KRTAP10-5: variants seen among roughly 807,000 people sequenced by gnomAD.
KRTAP10-5 encodes keratin associated protein 10-5, also known as keratin-associated protein 10-5.
For synonymous variants in KRTAP10-5, 157 were observed against 151.9 expected (o/e 1.03, Z -0.25); for missense variants, 370 against 351.2 (o/e 1.05, Z -0.43).
Position 44,579,477 on chromosome 21 carries a change from T to G in KRTAP10-5, c.*286A>C. The G allele has an allele frequency of 1.8e-6, 1 of 550,468 alleles. No individual in the cohort carries two copies. Among genetic ancestry groups the G allele is most frequent in the South Asian group, 2.4e-5 (1 of 40,858 alleles). The allele number at this position is 550,468 out of a possible 1,614,324, so 34.1% of individuals were successfully genotyped here. ...GAATCAGGCGACCAAGGGGAGTTTA[T>G]TGGGGAGCAGGAGGAGGTGCTGACA... On this transcript the variant is annotated 3_prime_UTR_variant, in exon 1 of 1. Coordinates refer to ENST00000400372, the MANE Select transcript of KRTAP10-5 (RefSeq NM_198694.3).
In KRTAP10-5 at chr21:44,579,620, T is replaced by C. The variant is rs7509935; in HGVS notation, c.*143A>G. Reference sequence around the variant, plus strand: ...AGCTGGGGAGCTTCGAGGATGGAGATTCCTGGGAGTATGGAGGGGGGGGTC... The same window carrying C: ...AGCTGGGGAGCTTCGAGGATGGAGACTCCTGGGAGTATGGAGGGGGGGGTC... On this transcript the variant is annotated 3_prime_UTR_variant, in exon 1 of 1. Transcript: ENST00000400372. 7.7e-3 allele frequency: 8,203 copies of C among 1,064,084 alleles called. 293 individuals are homozygous for C. In the African/African-American group the frequency reaches 0.092, roughly 12 times the overall value. 65.9% of individuals were successfully genotyped at this position (1,064,084 alleles called of 1,614,324 possible). A position where few individuals can be genotyped will look rare whatever the true frequency, so the allele number is the denominator to read the frequency against.
At position 44,579,469 on chromosome 21, in the gene KRTAP10-5, G is replaced by A. The variant is rs1424819844; in HGVS notation, c.*294C>T. 9.2e-6 allele frequency: 5 copies of A among 545,954 alleles called. No individual in the cohort carries two copies. Among genetic ancestry groups the A allele is most frequent in the Non-Finnish European group, 1.6e-5 (5 of 307,108 alleles). 33.8% of individuals were successfully genotyped at this position (545,954 alleles called of 1,614,324 possible). ...GAAAAAGAGAATCAGGCGACCAAGGGGAGTTTATTGGGGAGCAGGAGGAGG... is the reference window on the plus strand; with the variant it reads ...GAAAAAGAGAATCAGGCGACCAAGGAGAGTTTATTGGGGAGCAGGAGGAGG... On this transcript the variant is annotated 3_prime_UTR_variant, in exon 1 of 1. Transcript: ENST00000400372.
At position 44,579,527 on chromosome 21, in the gene KRTAP10-5, T is replaced by C. The variant is rs1978723312; in HGVS notation, c.*236A>G. On this transcript the variant is annotated 3_prime_UTR_variant, in exon 1 of 1. Coordinates refer to ENST00000400372, the MANE Select transcript of KRTAP10-5 (RefSeq NM_198694.3). ...AGGTTCAAGTCGAGGCCAAGTGACATGGGGCAGAGAAGCTGGGAGGGAGGA... is the reference window on the plus strand; with the variant it reads ...AGGTTCAAGTCGAGGCCAAGTGACACGGGGCAGAGAAGCTGGGAGGGAGGA... The C allele has an allele frequency of 3.4e-6, 2 of 594,422 alleles. No individual in the cohort carries two copies. The highest frequency in any genetic ancestry group is 3.0e-6 in the Non-Finnish European group (1 of 338,876). 36.8% of individuals were successfully genotyped at this position (594,422 alleles called of 1,614,324 possible).
Position 44,579,837 on chromosome 21 carries a change from GGTA to G in KRTAP10-5, c.739_741del (p.Tyr247del). ...GAGGCCGGGCGGCAGCAGCTGGCCT[GGTA>G]GGAGGAGGCAGGGGCACAGCAGGAG... is the stretch of plus-strand genomic sequence containing the variant. On this transcript the variant is annotated inframe_deletion, in exon 1 of 1. Transcript: ENST00000400372. 6.2e-7 allele frequency: 1 copy of G among 1,610,074 alleles called. No homozygotes were observed. Among genetic ancestry groups the G allele is most frequent in the East Asian group, 2.3e-5 (1 of 44,366 alleles).
chr21:44,579,712 C>T lies in KRTAP10-5; in HGVS notation c.*51G>A. ...CCTAACCCGAGTCAGGACCAGTTGG[C>T]CCTGGGGGATGTGCACATCAGCAAC... On this transcript the variant is annotated 3_prime_UTR_variant, in exon 1 of 1. Coordinates refer to ENST00000400372, the MANE Select transcript of KRTAP10-5 (RefSeq NM_198694.3). 18 of 1,577,958 alleles carry T rather than the reference C, an allele frequency of 1.1e-5. No individual in the cohort carries two copies. The highest frequency in any genetic ancestry group is 1.5e-5 in the Non-Finnish European group (18 of 1,163,338).
Position 44,580,256 on chromosome 21 carries a change from G to A in KRTAP10-5, c.323C>T (p.Ser108Phe), listed in dbSNP as rs1420457430. 1.6e-5 allele frequency: 26 copies of A among 1,613,224 alleles called. No individual in the cohort carries two copies. Among genetic ancestry groups the A allele is most frequent in the Non-Finnish European group, 2.2e-5 (26 of 1,179,844 alleles). Residue 108 changes from serine (S) to phenylalanine (F), a missense_variant, in exon 1 of 1, where the codon TCT (serine) becomes TTT (phenylalanine). Ser to Phe is a radical substitution (Grantham distance 155). Transcript: ENST00000400372. ...CCLPTCSKDSSSCCQQSSCQP... is the reference protein window; with the variant it reads ...CCLPTCSKDSFSCCQQSSCQP... Reference sequence around the variant, plus strand: ...GCAGCTAGACTGCTGGCAGCATGAAGAGGAATCCTTAGAGCAGGTGGGCAG... The same window carrying A: ...GCAGCTAGACTGCTGGCAGCATGAAAAGGAATCCTTAGAGCAGGTGGGCAG...
rs1978799709 is a variant in KRTAP10-5 at position 44,579,957 on chromosome 21, C to T, written c.622G>A (p.Ala208Thr). 6.2e-7 allele frequency: 1 copy of T among 1,613,966 alleles called. No individual in the cohort carries two copies. Among genetic ancestry groups the T allele is most frequent in the Non-Finnish European group, 8.5e-7 (1 of 1,179,966 alleles). The change falls in exon 1 of 1, where the codon GCT becomes ACT. Residue 208 changes from alanine (A) to threonine (T), a missense_variant. Transcript: ENST00000400372. ...SCCQQSSCQP[A>T]CCTTSCCRPS... ...CTGCAGCAGGAGGTGGTGCAGCAAG[C>T]CGGCTGACAGCTAGACTGCTGGCAG...
rs587612455 is a variant in KRTAP10-5 at position 44,580,319 on chromosome 21, G to T, written c.260C>A (p.Ala87Asp). ...ACCASSPCQQ[A>D]CCVPVCCKPV... ...CTTGCAGCAGACGGGCACGCAGCAG[G>T]CCTGCTGGCAGGGGGAGGAGGCGCA... Residue 87 changes from alanine (A) to aspartate (D), a missense_variant, in exon 1 of 1, where the codon GCC (alanine) becomes GAC (aspartate). Physicochemically the swap from Ala to Asp is moderately radical, Grantham distance 126. Coordinates refer to ENST00000400372, the MANE Select transcript of KRTAP10-5 (RefSeq NM_198694.3). The T allele has an allele frequency of 6.2e-7, 1 of 1,613,938 alleles. No individual in the cohort carries two copies. Among genetic ancestry groups the T allele is most frequent in the East Asian group, 2.2e-5 (1 of 44,896 alleles).
chr21:44,580,419 C>G lies in KRTAP10-5; in HGVS notation c.160G>C (p.Ala54Pro), dbSNP rs1276691016. ...VSCVSSPCCQ[A>P]ACEPSPCQSG... ...TGGCAGGGGCTGGGCTCACAGGCCG[C>G]CTGGCAGCAGGGGCTGGACACACAG... The change falls in exon 1 of 1, where the codon GCG (alanine) becomes CCG (proline). Residue 54 changes from alanine (A) to proline (P), a missense_variant. Ala to Pro is a conservative substitution (Grantham distance 27). Coordinates refer to ENST00000400372, the MANE Select transcript of KRTAP10-5 (RefSeq NM_198694.3). 2 of 1,612,842 alleles carry G rather than the reference C, an allele frequency of 1.2e-6. No individual in the cohort carries two copies. Among genetic ancestry groups the G allele is most frequent in the Non-Finnish European group, 1.7e-6 (2 of 1,179,770 alleles).
chr21:44,579,842 G>A lies in KRTAP10-5; in HGVS notation c.737C>T (p.Ser246Phe), dbSNP rs587720012. ...PISSCCAPAS[S>F]YQASCCRPAS... is the part of the protein sequence containing the mutation. Reference sequence around the variant, plus strand: ...CGGGCGGCAGCAGCTGGCCTGGTAGGAGGAGGCAGGGGCACAGCAGGAGGA... The same window carrying A: ...CGGGCGGCAGCAGCTGGCCTGGTAGAAGGAGGCAGGGGCACAGCAGGAGGA... The change falls in exon 1 of 1, where the codon TCC becomes TTC. Residue 246 changes from serine to phenylalanine, a missense_variant. Physicochemically the swap from Ser to Phe is radical, Grantham distance 155. Transcript: ENST00000400372. The A allele has an allele frequency of 1.3e-6, 2 of 1,596,026 alleles. No individual in the cohort carries two copies. The highest frequency in any genetic ancestry group is 1.3e-5 in the African/African-American group (1 of 74,402).
chr21:44,579,808 G>T lies in KRTAP10-5; in HGVS notation c.771C>A (p.Cys257Ter). The change falls in exon 1 of 1, where the codon TGC (cysteine) becomes TGA (stop). Residue 257 changes from cysteine to a stop codon, truncating the protein, a stop_gained. Coordinates refer to ENST00000400372, the MANE Select transcript of KRTAP10-5 (RefSeq NM_198694.3). LOFTEE classifies it high-confidence loss of function. ...ACGCGGGGCGGCAGAGGAGGGACAC[G>T]CAGGAGGCCGGGCGGCAGCAGCTGG... The part of the protein sequence containing the change: ...YQASCCRPAS[C>*]VSLLCRPACS... The T allele has an allele frequency of 6.2e-7, 1 of 1,609,752 alleles. No individual in the cohort carries two copies. Among genetic ancestry groups the T allele is most frequent in the Non-Finnish European group, 8.5e-7 (1 of 1,178,142 alleles).
At position 44,580,064 on chromosome 21, in the gene KRTAP10-5, C is replaced by T; in HGVS notation, c.515G>A (p.Cys172Tyr). ...AGGCTTGCAACAGACAGGCACGTAG[C>T]AGGACTGCTGGCAGGGGGAGGAGGT... Reference protein sequence around the residue: ...CCTSSPCQQSCYVPVCCKPVC... With the variant: ...CCTSSPCQQSYYVPVCCKPVC... Residue 172 changes from cysteine (C) to tyrosine (Y), a missense_variant, in exon 1 of 1, where the codon TGC (cysteine) becomes TAC (tyrosine). Physicochemically the swap from Cys to Tyr is radical, Grantham distance 194. Coordinates refer to ENST00000400372, the MANE Select transcript of KRTAP10-5 (RefSeq NM_198694.3). 1.3e-6 allele frequency: 2 copies of T among 1,594,576 alleles called. No individual in the cohort carries two copies. Among genetic ancestry groups the T allele is most frequent in the Non-Finnish European group, 1.7e-6 (2 of 1,167,834 alleles).
rs1978737070 is a variant in KRTAP10-5 at position 44,579,636 on chromosome 21, G to GT, written c.*126_*127insA. 2 of 1,117,036 alleles carry GT rather than the reference G, an allele frequency of 1.8e-6. No individual in the cohort carries two copies. Among genetic ancestry groups the GT allele is most frequent in the African/African-American group, 1.9e-5 (1 of 51,634 alleles). 69.2% of individuals were successfully genotyped at this position (1,117,036 alleles called of 1,614,324 possible). A position where few individuals can be genotyped will look rare whatever the true frequency, so the allele number is the denominator to read the frequency against. ...GGATGGAGATTCCTGGGAGTATGGA[G>GT]GGGGGGGTCACCTCAGCACATGGGG... is the stretch of plus-strand genomic sequence containing the variant. On this transcript the variant is annotated 3_prime_UTR_variant, in exon 1 of 1. Coordinates refer to ENST00000400372, the MANE Select transcript of KRTAP10-5 (RefSeq NM_198694.3).
rs1222118436 is a variant in KRTAP10-5, at chr21:44,579,837, G to A, written c.742C>T (p.Gln248Ter). ...GAGGCCGGGCGGCAGCAGCTGGCCTGGTAGGAGGAGGCAGGGGCACAGCAG... is the reference window on the plus strand; with the variant it reads ...GAGGCCGGGCGGCAGCAGCTGGCCTAGTAGGAGGAGGCAGGGGCACAGCAG... ...SSCCAPASSY[Q>*]ASCCRPASCV... The change falls in exon 1 of 1, where the codon CAG (glutamine) becomes TAG (stop). Residue 248 changes from glutamine (Q) to a stop codon, truncating the protein, a stop_gained. Coordinates refer to ENST00000400372, the MANE Select transcript of KRTAP10-5 (RefSeq NM_198694.3). LOFTEE classifies it high-confidence loss of function. The A allele has an allele frequency of 6.2e-7, 1 of 1,609,956 alleles. No homozygotes were observed. The highest frequency in any genetic ancestry group is 1.3e-5 in the African/African-American group (1 of 74,554).
rs1351316416 is a variant in KRTAP10-5, at chr21:44,579,971, G to A, written c.608C>T (p.Ser203Phe). The change falls in exon 1 of 1, where the codon TCT becomes TTT. Residue 203 changes from serine (S) to phenylalanine (F), a missense_variant. Physicochemically the swap from Ser to Phe is radical, Grantham distance 155 (BLOSUM62 -2). Coordinates refer to ENST00000400372, the MANE Select transcript of KRTAP10-5 (RefSeq NM_198694.3). ...GGTGCAGCAAGCCGGCTGACAGCTA[G>A]ACTGCTGGCAGCATGAAGTGGAAGC... is the stretch of plus-strand genomic sequence containing the variant. ...SGASTSCCQQSSCQPACCTTS... is the reference protein window; with the variant it reads ...SGASTSCCQQFSCQPACCTTS... 6 of 1,613,912 alleles carry A rather than the reference G, an allele frequency of 3.7e-6. No individual in the cohort carries two copies. In the Admixed American group the frequency reaches 8.3e-5, roughly 22 times the overall value.
In KRTAP10-5 at chr21:44,580,101, G is replaced by A. The variant is rs782428456; in HGVS notation, c.478C>T (p.Pro160Ser). ...SSCCQHSSCQPTCCTSSPCQQ... is the reference protein window; with the variant it reads ...SSCCQHSSCQSTCCTSSPCQQ... Reference sequence around the variant, plus strand: ...CAGGGGGAGGAGGTGCAGCAAGTCGGCTGGCAGCTAGAATGCTGGCAGCAT... The same window carrying A: ...CAGGGGGAGGAGGTGCAGCAAGTCGACTGGCAGCTAGAATGCTGGCAGCAT... Residue 160 changes from proline (P) to serine (S), a missense_variant, in exon 1 of 1, where the codon CCG becomes TCG. Transcript: ENST00000400372. The A allele has an allele frequency of 6.8e-6, 11 of 1,613,774 alleles. No individual in the cohort carries two copies. In the South Asian group the frequency reaches 1.2e-4, roughly 18 times the overall value.
Position 44,580,266 on chromosome 21 carries a change from T to G in KRTAP10-5, c.313A>C (p.Lys105Gln), listed in dbSNP as rs879948660. 6.3e-7 allele frequency: 1 copy of G among 1,597,170 alleles called. No homozygotes were observed. The highest frequency in any genetic ancestry group is 8.5e-7 in the Non-Finnish European group (1 of 1,175,280). ...KPVCCLPTCSKDSSSCCQQSS... is the reference protein window; with the variant it reads ...KPVCCLPTCSQDSSSCCQQSS... ...TGCTGGCAGCATGAAGAGGAATCCT[T>G]AGAGCAGGTGGGCAGGCAGCACACA... The change falls in exon 1 of 1, where the codon AAG becomes CAG. Residue 105 changes from lysine (K) to glutamine (Q), a missense_variant. By Grantham distance (53) the Lys-to-Gln change is moderately conservative. Transcript: ENST00000400372.
chr21:44,580,475 G>A lies in KRTAP10-5; in HGVS notation c.104C>T (p.Pro35Leu), dbSNP rs370129643. 1.2e-6 allele frequency: 2 copies of A among 1,613,174 alleles called. No homozygotes were observed. Among genetic ancestry groups the A allele is most frequent in the African/African-American group, 2.7e-5 (2 of 74,900 alleles). The change falls in exon 1 of 1, where the codon CCC becomes CTC. Residue 35 changes from proline (P) to leucine (L), a missense_variant. Physicochemically the swap from Pro to Leu is moderately conservative, Grantham distance 98. Coordinates refer to ENST00000400372, the MANE Select transcript of KRTAP10-5 (RefSeq NM_198694.3). ...TGGGGTGCAGACCAGGGTCAGGCAG[G>A]GGGCGGTGCCGCAGGGGGGCTCACA... Reference protein sequence around the residue: ...SCCEPPCGTAPCLTLVCTPVS... With the variant: ...SCCEPPCGTALCLTLVCTPVS...
rs782385800 is a variant in KRTAP10-5 at position 44,579,946 on chromosome 21, G to A, written c.633C>T (p.Thr211=). ...QQSSCQPACC[T]TSCCRPSSSV... ...AGGAGGAGGGTCTGCAGCAGGAGGT[G>A]GTGCAGCAAGCCGGCTGACAGCTAG... Residue 211 remains threonine, a synonymous_variant, in exon 1 of 1, where the codon ACC becomes ACT. Transcript: ENST00000400372. 1 of 1,614,112 alleles carries A rather than the reference G, an allele frequency of 6.2e-7. No homozygotes were observed. Among genetic ancestry groups the A allele is most frequent in the Admixed American group, 1.7e-5 (1 of 60,030 alleles).
Sources: allele counts gnomAD v4.1 joint callset, GRCh38; gene constraint gnomAD v4.1.1; transcripts MANE v1.5; gene names NCBI Gene and HGNC (gene_info 2026-07-23, HGNC 2026-07-21).